Variants in AGBL4 observed in about 807,000 individuals in gnomAD.
AGBL4 encodes AGBL carboxypeptidase 4, also known as cytosolic carboxypeptidase 6.
AGBL4 carries 58 observed loss-of-function variants against 66.4 expected under a neutral mutation model. That is an observed-to-expected ratio of 0.87 (90% CI 0.71 to 1.09). AGBL4 has a LOEUF of 1.09. Ranked by LOEUF, AGBL4 falls within the 50% of genes least tolerant of loss-of-function variation. The pLI is 0.00. For synonymous variants in AGBL4, 234 were observed against 222.9 expected, an observed-to-expected ratio of 1.05 and a Z score of -0.44; for missense variants, 579 against 631.0, an observed-to-expected ratio of 0.92 and a Z score of 0.88.
chr1:49,870,913 G>A (rs962047866), intron 1 of AGBL4, among the ~76,000 whole-genome samples: 4 of 151,992 alleles, frequency 2.6e-5, no homozygotes, highest in African/African-American at 9.7e-5. Flanking sequence ...GATATAAAAT[G>A]GTTCAGCCAA....
chr1:49,522,523 G>C (rs1045870882), intron 3 of AGBL4, among the ~76,000 whole-genome samples: 1 of 152,018 alleles, frequency 6.6e-6, no homozygotes, highest in Non-Finnish European at 1.5e-5. Flanking sequence ...AATCACTAGT[G>C]CCTGGTTTTG....
chr1:49,398,331 C>T (rs899692678), intron 3 of AGBL4, among the ~76,000 whole-genome samples: 58 of 101,284 alleles, frequency 5.7e-4, no homozygotes, highest in African/African-American at 1.7e-3. Context: ...CCCTCTCTCT[C>T]TTTCTCTCTC....
chr1:49,815,109 T>A (rs571361099), intron 2 of AGBL4, among the ~76,000 whole-genome samples: 37 of 152,074 alleles, frequency 2.4e-4, no homozygotes, highest in Non-Finnish European at 4.0e-4. Flanking sequence ...AAGTACTAGG[T>A]CTTACTCATT....
chr1:49,285,985 C>A (rs1644397997), intron 3 of AGBL4, among the ~76,000 whole-genome samples: 1 of 152,162 alleles, frequency 6.6e-6, no homozygotes, highest in South Asian at 2.1e-4. Context: ...CAAAATGAAT[C>A]CAGCAGCACA....
chr1:48,825,983 G>C (rs1294675708), intron 6 of AGBL4, among the ~76,000 whole-genome samples: 1 of 152,126 alleles, frequency 6.6e-6, no homozygotes, highest in East Asian at 1.9e-4. Context: ...GCTTGTCTAG[G>C]ACCTTCATTT....
intron 6 of AGBL4, among the ~76,000 whole-genome samples, chr1:48,833,137 G>T (rs1038715131): frequency 2.0e-5 from 3 of 152,188 alleles, no homozygotes; most frequent in Admixed American, 6.5e-5. Context: ...GGATGCTGCT[G>T]CTAGAAATGC....
chr1:49,870,311 T>C (rs1160582972), intron 1 of AGBL4, among the ~76,000 whole-genome samples: 3 of 152,126 alleles, frequency 2.0e-5, no homozygotes, highest in Non-Finnish European at 4.4e-5. Context: ...GTTAGTGAAA[T>C]GGTATGTTGA....
At chr1:49,023,026 A>C (rs1215540935) in intron 5 of AGBL4, among the ~76,000 whole-genome samples, 2 of 152,224 alleles carry the variant, frequency 1.3e-5, no homozygotes, top group Admixed American at 6.5e-5. Flanking sequence ...TGGTCTTTTC[A>C]TTAAGCCATA....
intron 3 of AGBL4, among the ~76,000 whole-genome samples, chr1:49,573,578 C>A (rs756289512): frequency 6.6e-6 from 1 of 152,032 alleles, no homozygotes; most frequent in African/African-American, 2.4e-5. Flanking sequence ...AATAATGAAC[C>A]CAGGGATTCT....
chr1:48,591,547 C>A (rs890437214), intron 9 of AGBL4, among the ~76,000 whole-genome samples: 1 of 152,024 alleles, frequency 6.6e-6, no homozygotes, highest in Admixed American at 6.6e-5. Context: ...AGCATTATAT[C>A]GGGAATCAAA....
At chr1:49,712,469 G>A (rs1174666929) in intron 2 of AGBL4, among the ~76,000 whole-genome samples, 1 of 151,554 alleles carries the variant, frequency 6.6e-6, no homozygotes, top group African/African-American at 2.4e-5. Context: ...TGAAGAATGG[G>A]GAGATAAAGA....
intron 6 of AGBL4, among the ~76,000 whole-genome samples, chr1:48,803,540 AC>A (rs1329750836): frequency 3.9e-5 from 6 of 152,194 alleles, no homozygotes; most frequent in Non-Finnish European, 7.3e-5. Context: ...AGAAATATAT[AC>A]CCTGGACATC....
At chr1:48,603,556 C>A (rs1214910091) in intron 9 of AGBL4, among the ~76,000 whole-genome samples, 2 of 152,024 alleles carry the variant, frequency 1.3e-5, no homozygotes, top group African/African-American at 4.8e-5. Context: ...AGAGAGGCTT[C>A]CAAAGACCCT....
chr1:49,271,618 T>C (rs1476866831), intron 3 of AGBL4, among the ~76,000 whole-genome samples: 6 of 152,132 alleles, frequency 3.9e-5, no homozygotes. Flanking sequence ...TTAGATTTCT[T>C]AGTTGACTAA....
intron 6 of AGBL4, among the ~76,000 whole-genome samples, chr1:48,778,922 C>CCTGG: frequency 6.6e-6 from 1 of 152,174 alleles, no homozygotes; most frequent in African/African-American, 2.4e-5. Context: ...CCAAAAATGA[C>CCTGG]CACCACTTGT....
intron 4 of AGBL4, among the ~76,000 whole-genome samples, chr1:49,244,497 T>C (rs1470967709): frequency 6.6e-6 from 1 of 151,802 alleles, no homozygotes; most frequent in South Asian, 2.1e-4. Context: ...ATCAAATGCC[T>C]ACACTTTTAT....
intron 6 of AGBL4, among the ~76,000 whole-genome samples, chr1:48,683,018 G>A (rs1234449806): frequency 2.0e-5 from 3 of 152,204 alleles, no homozygotes; most frequent in Non-Finnish European, 4.4e-5. Flanking sequence ...AAATTGAGAA[G>A]TATAGAACAC....
chr1:48,827,843 G>T (rs956561156), intron 6 of AGBL4, among the ~76,000 whole-genome samples: 2 of 152,056 alleles, frequency 1.3e-5, no homozygotes, highest in African/African-American at 4.8e-5. Context: ...CTAGCAGGGA[G>T]CTGCATTGCT....
At chr1:48,591,686 A>C (rs1644920943) in intron 9 of AGBL4, among the ~76,000 whole-genome samples, 1 of 152,278 alleles carries the variant, frequency 6.6e-6, no homozygotes, top group South Asian at 2.1e-4. Flanking sequence ...GTCTTAGTTA[A>C]CTCTTTGAGT....
Sources: gnomAD v4.1 joint callset for allele counts (sites outside exome capture counted in the v4.1 genomes callset) on GRCh38, gnomAD v4.1.1 for gene constraint, MANE v1.5 for transcripts, NCBI Gene and HGNC (gene_info 2026-07-23, HGNC 2026-07-21) for gene names.